The following EPB41L5 variants were observed in gnomAD, a reference collection of about 807,000 sequenced individuals.
The protein encoded by EPB41L5 is erythrocyte membrane protein band 4.1 like 5.
A neutral mutation model predicts 106.6 loss-of-function variants in EPB41L5; 55 were observed. That is an observed-to-expected ratio of 0.52 (90% CI 0.42 to 0.65). EPB41L5 has a LOEUF of 0.65. EPB41L5 is among the 30% of genes least tolerant of loss of function. EPB41L5 has a pLI of 0.00. For synonymous variants in EPB41L5, 297 were observed against 306.7 expected, an observed-to-expected ratio of 0.97 and a Z score of 0.33; for missense variants, 871 against 882.1, an observed-to-expected ratio of 0.99 and a Z score of 0.16.
chr2:120,016,871 G>GA (rs1677561784), intron 1 of EPB41L5, among the ~76,000 whole-genome samples: 1 of 151,198 alleles, frequency 6.6e-6, no homozygotes, highest in Non-Finnish European at 1.5e-5. Flanking sequence ...GAAATACCTG[G>GA]AAAAAAAAAT....
chr2:120,088,963 A>G lies in EPB41L5; in HGVS notation c.874-1384A>G, dbSNP rs1193101037. Among the ~76,000 whole-genome samples, 3 of 152,116 alleles carry G rather than the reference A, an allele frequency of 2.0e-5. No homozygotes were observed. The East Asian group carries it at 5.8e-4, about 29-fold the overall frequency. ...TGAAAAAATTCTTTGTATGTTCTGG[A>G]TATTAATTCTCTGTCAGATATTAGT... On this transcript the variant is annotated intron_variant, in intron 11 of 24. Transcript: ENST00000263713.
At chr2:120,070,623 A>T (rs564589423) in intron 3 of EPB41L5, among the ~76,000 whole-genome samples, 1 of 152,334 alleles carries the variant, frequency 6.6e-6, no homozygotes, top group African/African-American at 2.4e-5. Flanking sequence ...GCGGCACATC[A>T]GAAAGCTCAT....
At position 120,075,698 on chromosome 2, in the gene EPB41L5, CAGATT is replaced by C; in HGVS notation, c.454_458del (p.Asp153SerfsTer3). The C allele has an allele frequency of 6.2e-7, 1 of 1,612,892 alleles. No individual in the cohort carries two copies. The highest frequency in any genetic ancestry group is 8.5e-7 in the Non-Finnish European group (1 of 1,179,120). On this transcript the variant is annotated splice_acceptor_variant and coding_sequence_variant, in exon 7 of 25. Coordinates refer to ENST00000263713, the MANE Select transcript of EPB41L5 (RefSeq NM_020909.4). LOFTEE classifies it high-confidence loss of function. Reference sequence around the variant, plus strand: ...GTCTAACAAACTTGTGTTTTGGTCTCAGATTAGACTGTCCCTTTGATACAGCAGTG... The same window carrying C: ...GTCTAACAAACTTGTGTTTTGGTCTCAGACTGTCCCTTTGATACAGCAGTG...
chr2:120,109,034 C>T (rs1684601751), intron 16 of EPB41L5, among the ~76,000 whole-genome samples: 1 of 152,148 alleles, frequency 6.6e-6, no homozygotes, highest in South Asian at 2.1e-4. Context: ...ATTGATATCT[C>T]TTTTTTTGAT....
intron 3 of EPB41L5, among the ~76,000 whole-genome samples, chr2:120,042,448 T>C (rs1679462223): frequency 6.6e-6 from 1 of 152,148 alleles, no homozygotes; most frequent in Non-Finnish European, 1.5e-5. Context: ...GAATGGGAGT[T>C]TCATGGGCTC....
Position 120,070,988 on chromosome 2 carries a change from C to T in EPB41L5, c.286-2190C>T, listed in dbSNP as rs549666986. On this transcript the variant is annotated intron_variant, in intron 3 of 24. Coordinates refer to ENST00000263713, the MANE Select transcript of EPB41L5 (RefSeq NM_020909.4). ...GCATAGTATTGGAAGTTCTGGCCAGCGCAATCAGGCAAGAGAAAGAAATAA... is the reference window on the plus strand; with the variant it reads ...GCATAGTATTGGAAGTTCTGGCCAGTGCAATCAGGCAAGAGAAAGAAATAA... 2.5e-4 allele frequency among the ~76,000 whole-genome samples: 38 copies of T among 152,094 alleles called. No homozygotes were observed. The South Asian group carries it at 5.0e-3, about 20-fold the overall frequency.
At chr2:120,047,423 A>G (rs1393932596) in intron 3 of EPB41L5, among the ~76,000 whole-genome samples, 2 of 151,918 alleles carry the variant, frequency 1.3e-5, no homozygotes, top group African/African-American at 2.4e-5. Context: ...CTTTGAAGCA[A>G]TTGTGAACGG....
chr2:120,044,332 G>A (rs1017953507), intron 3 of EPB41L5, among the ~76,000 whole-genome samples: 1 of 151,934 alleles, frequency 6.6e-6, no homozygotes, highest in Non-Finnish European at 1.5e-5. Flanking sequence ...TTAGTCTTAC[G>A]TACCTCTGTC....
chr2:120,129,454 A>G (rs754858272), intron 17 of EPB41L5, among the ~76,000 whole-genome samples: 4 of 152,338 alleles, frequency 2.6e-5, no homozygotes, highest in South Asian at 2.1e-4. Flanking sequence ...AACCATGACT[A>G]TCTTAATGCA....
At chr2:120,074,564 A>G (rs1682099643) in intron 5 of EPB41L5, among the ~76,000 whole-genome samples, 1 of 152,166 alleles carries the variant, frequency 6.6e-6, no homozygotes, top group Non-Finnish European at 1.5e-5. Flanking sequence ...TTCTTTACTC[A>G]TTGAAATGCC....
chr2:120,173,639 TTTAAG>T (rs1687790004), intron 24 of EPB41L5, among the ~76,000 whole-genome samples: 1 of 152,238 alleles, frequency 6.6e-6, no homozygotes, highest in Non-Finnish European at 1.5e-5. Flanking sequence ...CTTTCAACAT[TTTAAG>T]TTATGTCCTT....
intron 17 of EPB41L5, among the ~76,000 whole-genome samples, chr2:120,129,887 T>G (rs752019034): frequency 5.3e-5 from 8 of 152,194 alleles, no homozygotes; most frequent in Non-Finnish European, 4.4e-5. Context: ...GGCTCACGCC[T>G]GTAATCCCAG....
intron 3 of EPB41L5, among the ~76,000 whole-genome samples, chr2:120,058,326 C>T (rs1248478749): frequency 1.3e-5 from 2 of 152,092 alleles, no homozygotes; most frequent in South Asian, 2.1e-4. Flanking sequence ...GGTAGGACTA[C>T]AGGTGTGCAC....
At chr2:120,067,935 C>G (rs1164418535) in intron 3 of EPB41L5, among the ~76,000 whole-genome samples, 2 of 152,128 alleles carry the variant, frequency 1.3e-5, no homozygotes, top group Admixed American at 6.5e-5. Context: ...AGCATGTCAT[C>G]CTTGTTACTG....
At chr2:120,034,976 T>C (rs949608595) in intron 2 of EPB41L5, among the ~76,000 whole-genome samples, 1 of 152,230 alleles carries the variant, frequency 6.6e-6, no homozygotes, top group African/African-American at 2.4e-5. Flanking sequence ...TCCTTTTCCA[T>C]TGTGTTGCTA....
chr2:120,033,057 A>G (rs1678821514), intron 2 of EPB41L5, among the ~76,000 whole-genome samples: 1 of 152,240 alleles, frequency 6.6e-6, no homozygotes, highest in South Asian at 2.1e-4. Context: ...GACAGAACCA[A>G]TTGATTTAGA....
At chr2:120,110,381 C>G (rs1684666323) in intron 16 of EPB41L5, among the ~76,000 whole-genome samples, 1 of 152,158 alleles carries the variant, frequency 6.6e-6, no homozygotes. Context: ...CAATTTATTC[C>G]CTTTGTAATA....
chr2:120,034,807 G>T (rs997989266), intron 2 of EPB41L5, among the ~76,000 whole-genome samples: 13 of 152,206 alleles, frequency 8.5e-5, no homozygotes, highest in Non-Finnish European at 1.8e-4. Flanking sequence ...CAAGGCTGTG[G>T]TGAGCCATGC....
intron 3 of EPB41L5, among the ~76,000 whole-genome samples, chr2:120,065,481 A>G (rs1054540659): frequency 1.3e-5 from 2 of 151,074 alleles, no homozygotes; most frequent in African/African-American, 4.9e-5. Context: ...GAGAAATTTA[A>G]GTTATAACTG....
Sources: allele counts gnomAD v4.1 joint callset (sites outside exome capture counted in the v4.1 genomes callset), GRCh38; gene constraint gnomAD v4.1.1; transcripts MANE v1.5; gene names NCBI Gene and HGNC (gene_info 2026-07-23, HGNC 2026-07-21).